CDH4: variants seen among roughly 807,000 people sequenced by gnomAD.
CDH4 encodes the protein cadherin-4.
In CDH4, 33 loss-of-function variants were observed where a neutral mutation model predicts 86.0. The ratio of observed to expected loss-of-function variants is 0.38; its 90% CI spans 0.29 to 0.51. The LOEUF (loss-of-function observed/expected upper bound fraction) is 0.51. Ranked by LOEUF, CDH4 falls within the 20% of genes least tolerant of loss-of-function variation. The probability of loss-of-function intolerance (pLI) is 0.86; values close to 1 mark genes in which losing one functional copy is unlikely to be tolerated. For missense variants in CDH4, 1,114 were observed against 1,307.4 expected (o/e 0.85, Z 2.28); for synonymous variants, 555 against 549.4 (o/e 1.01, Z -0.14).
intron 2 of CDH4, among the ~76,000 whole-genome samples, chr20:61,532,719 G>T (rs1447854126): frequency 2.6e-5 from 4 of 152,208 alleles, no homozygotes; most frequent in Non-Finnish European, 5.9e-5. Flanking sequence ...GCTCTGGGGA[G>T]ACGGGTTCTC....
intron 2 of CDH4, among the ~76,000 whole-genome samples, chr20:61,357,555 A>T (rs769914716): frequency 1.4e-4 from 22 of 152,136 alleles, no homozygotes; most frequent in Non-Finnish European, 2.8e-4. Context: ...CTGGTTCCAT[A>T]TCCCCATTCC....
intron 2 of CDH4, among the ~76,000 whole-genome samples, chr20:61,680,045 G>A (rs1442935035): frequency 3.9e-5 from 6 of 152,318 alleles, no homozygotes; most frequent in African/African-American, 9.6e-5. Context: ...GGCACCCGGC[G>A]GAGAGGAAAG....
intron 2 of CDH4, among the ~76,000 whole-genome samples, chr20:61,494,959 C>T (rs2085649825): frequency 1.3e-5 from 2 of 152,310 alleles, no homozygotes; most frequent in South Asian, 4.1e-4. Context: ...GATGCCATGC[C>T]CTGCACTGGG....
At chr20:61,351,962 C>T (rs555750998) in intron 2 of CDH4, among the ~76,000 whole-genome samples, 2 of 152,192 alleles carry the variant, frequency 1.3e-5, no homozygotes, top group African/African-American at 4.8e-5. Context: ...GGTGATCCAC[C>T]CACCTCGGCC....
intron 2 of CDH4, among the ~76,000 whole-genome samples, chr20:61,419,309 C>T (rs1327677605): frequency 6.6e-6 from 1 of 152,208 alleles, no homozygotes; most frequent in Non-Finnish European, 1.5e-5. Flanking sequence ...CGTACCCCGA[C>T]AAATACATCC....
chr20:61,669,820 G>A (rs2087367062), intron 2 of CDH4, among the ~76,000 whole-genome samples: 1 of 152,174 alleles, frequency 6.6e-6, no homozygotes, highest in Non-Finnish European at 1.5e-5. Flanking sequence ...AGGATGGGAT[G>A]TGACATTTCA....
chr20:61,503,796 A>G (rs377456962), intron 2 of CDH4, among the ~76,000 whole-genome samples: 79 of 152,338 alleles, frequency 5.2e-4, no homozygotes, highest in African/African-American at 1.8e-3. Flanking sequence ...TTTGTATTGA[A>G]TGTTATTAAC....
chr20:61,798,197 C>G (rs1219572376), intron 4 of CDH4, among the ~76,000 whole-genome samples: 2 of 152,212 alleles, frequency 1.3e-5, no homozygotes, highest in Non-Finnish European at 2.9e-5. Context: ...CGGCCCTGCC[C>G]CGGGCTCTGT....
intron 2 of CDH4, among the ~76,000 whole-genome samples, chr20:61,482,703 C>T (rs1299006164): frequency 2.6e-5 from 4 of 152,190 alleles, no homozygotes; most frequent in South Asian, 2.1e-4. Context: ...GTGACCAGAA[C>T]CAGCCAATCA....
At chr20:61,817,281 C>T (rs1259491973) in intron 4 of CDH4, among the ~76,000 whole-genome samples, 1 of 152,160 alleles carries the variant, frequency 6.6e-6, no homozygotes, top group African/African-American at 2.4e-5. Flanking sequence ...CCTCACCGGG[C>T]CCAGCCCCGC....
At chr20:61,911,555 T>TG (rs2054851221) in intron 9 of CDH4, among the ~76,000 whole-genome samples, 2 of 152,034 alleles carry the variant, frequency 1.3e-5, no homozygotes, top group South Asian at 4.1e-4. Flanking sequence ...AAAGGAGGGG[T>TG]GACAGAATGG....
chr20:61,760,637 C>T (rs1049956966), intron 3 of CDH4, among the ~76,000 whole-genome samples: 2 of 152,270 alleles, frequency 1.3e-5, no homozygotes, highest in Non-Finnish European at 2.9e-5. Context: ...ACCATGGCAG[C>T]AAGCCATGAG....
chr20:61,435,291 A>G (rs1600680852), intron 2 of CDH4, among the ~76,000 whole-genome samples: 1 of 152,238 alleles, frequency 6.6e-6, no homozygotes, highest in Non-Finnish European at 1.5e-5. Flanking sequence ...AGAGGCTCCC[A>G]GGGGCAACGT....
intron 2 of CDH4, among the ~76,000 whole-genome samples, chr20:61,358,838 A>G (rs1414620957): frequency 2.0e-5 from 3 of 152,170 alleles, no homozygotes; most frequent in Non-Finnish European, 4.4e-5. Context: ...TGAGCCACGG[A>G]AACCGTTCCC....
At chr20:61,605,289 G>C (rs756209788) in intron 2 of CDH4, among the ~76,000 whole-genome samples, 1 of 152,090 alleles carries the variant, frequency 6.6e-6, no homozygotes, top group African/African-American at 2.4e-5. Context: ...GGGCCCTGCT[G>C]CCTGTGGGGT....
rs113607238 is a variant in CDH4 at position 61,524,488 on chromosome 20, CT to C, written c.170-219061del. On this transcript the variant is annotated intron_variant, in intron 2 of 15. Coordinates refer to ENST00000614565, the MANE Select transcript of CDH4 (RefSeq NM_001794.5). ...TTTTGCAACTTCTATGAATATTACACTTTTTTTTTTTTTTAAGACAGAGTCT... is the reference window on the plus strand; with the variant it reads ...TTTTGCAACTTCTATGAATATTACACTTTTTTTTTTTTTAAGACAGAGTCT... Among the ~76,000 whole-genome samples, 467 of 145,552 alleles carry C rather than the reference CT, an allele frequency of 3.2e-3. 4 individuals carry two copies. The highest frequency in any genetic ancestry group is 0.014 in the Middle Eastern group (4 of 282).
rs193096413 is a variant in CDH4, at chr20:61,368,555, T to C, written c.169+113618T>C. Reference sequence around the variant, plus strand: ...CACCCAAGGAATGGTAATTTTTTTTTTTTTGAGACAGAGTCTTACTGTGTC... The same window carrying C: ...CACCCAAGGAATGGTAATTTTTTTTCTTTTGAGACAGAGTCTTACTGTGTC... On this transcript the variant is annotated intron_variant, in intron 2 of 15. Coordinates refer to ENST00000614565, the MANE Select transcript of CDH4 (RefSeq NM_001794.5). Among the ~76,000 whole-genome samples, 497 of 152,268 alleles carry C rather than the reference T, an allele frequency of 3.3e-3. 3 individuals carry two copies. Among genetic ancestry groups the C allele is most frequent in the African/African-American group, 0.011 (459 of 41,542 alleles).
intron 6 of CDH4, among the ~76,000 whole-genome samples, chr20:61,863,050 C>G (rs1056566699): frequency 5.3e-5 from 8 of 152,166 alleles, no homozygotes; most frequent in South Asian, 2.1e-4. Flanking sequence ...AAATCTCTAG[C>G]CTCAGTGATT....
At chr20:61,687,150 G>T (rs372979490) in intron 2 of CDH4, among the ~76,000 whole-genome samples, 2 of 152,178 alleles carry the variant, frequency 1.3e-5, no homozygotes, top group Non-Finnish European at 2.9e-5. Context: ...GTGCGTGTTC[G>T]GTGTCCACTG....
Sources: gnomAD v4.1 joint callset for allele counts (sites outside exome capture counted in the v4.1 genomes callset) on GRCh38, gnomAD v4.1.1 for gene constraint, MANE v1.5 for transcripts, NCBI Gene and HGNC (gene_info 2026-07-23, HGNC 2026-07-21) for gene names.